COL4A3: variants seen among roughly 807,000 people sequenced by gnomAD.
COL4A3 encodes the protein collagen alpha-3(IV) chain.
Under a neutral mutation model 217.4 loss-of-function variants are expected in COL4A3, and 135 were observed. That is an observed-to-expected ratio of 0.62 (90% CI 0.54 to 0.72). The LOEUF is 0.72. Among genes scored for constraint, COL4A3 ranks in the 30% least tolerant of loss-of-function variants. The pLI is 0.00. For synonymous variants in COL4A3, 690 were observed against 736.3 expected (o/e 0.94, Z 1.02); for missense variants, 1,868 against 2,119.9 (o/e 0.88, Z 2.33).
chr2:227,224,867 TTC>T (rs879404116), intron 1 of COL4A3, among the ~76,000 whole-genome samples: 21 of 152,248 alleles, frequency 1.4e-4, no homozygotes, highest in Admixed American at 1.4e-3. Context: ...TGAATGAATT[TTC>T]TTTTTTGTTA....
intron 41 of COL4A3, chr2:227,296,638 C>G (rs557310055): frequency 2.7e-6 from 1 of 376,460 alleles, no homozygotes; most frequent in South Asian, 1.1e-4. Context: ...CATCTTGGTA[C>G]TTCAGGTCAT....
intron 28 of COL4A3, among the ~76,000 whole-genome samples, chr2:227,278,206 A>G (rs2106136614): frequency 6.6e-6 from 1 of 152,084 alleles, no homozygotes; most frequent in Non-Finnish European, 1.5e-5. Flanking sequence ...TATGGAAATT[A>G]TTTTCCTTTA....
chr2:227,167,259 A>G (rs1444348410), intron 1 of COL4A3, among the ~76,000 whole-genome samples: 2 of 152,236 alleles, frequency 1.3e-5, no homozygotes, highest in Non-Finnish European at 2.9e-5. Context: ...AAACAGGGAA[A>G]TAGCAGCGGT....
rs994071501 is a variant in COL4A3, at chr2:227,313,619, G to C, written c.*1749G>C. On this transcript the variant is annotated 3_prime_UTR_variant, in exon 52 of 52. Coordinates refer to ENST00000396578, the MANE Select transcript of COL4A3 (RefSeq NM_000091.5). The stretch of plus-strand genomic sequence containing the variant: ...AGTGAAAAACATGACCCAGAGGACA[G>C]CACAGACTATGGCCATGGCTCACAT... 2 of 152,624 alleles carry C rather than the reference G, an allele frequency of 1.3e-5. No homozygotes were observed. The highest frequency in any genetic ancestry group is 4.8e-5 in the African/African-American group (2 of 41,454). 9.5% of individuals were successfully genotyped at this position (152,624 alleles called of 1,614,324 possible).
At chr2:227,295,344 T>A in intron 41 of COL4A3, 28 bp downstream of exon 41, 1 of 1,607,836 alleles carries the variant, frequency 6.2e-7, no homozygotes, top group Non-Finnish European at 8.5e-7. Context: ...CCTGTCCTAA[T>A]GTACACATTT....
intron 15 of COL4A3, among the ~76,000 whole-genome samples, chr2:227,255,103 A>C (rs565424652): frequency 6.6e-6 from 1 of 152,326 alleles, no homozygotes; most frequent in African/African-American, 2.4e-5. Flanking sequence ...GTGTCCATTT[A>C]TAAAATCCCA....
intron 1 of COL4A3, among the ~76,000 whole-genome samples, chr2:227,208,621 G>A (rs566415955): frequency 1.3e-5 from 2 of 152,268 alleles, no homozygotes; most frequent in African/African-American, 2.4e-5. Context: ...AATGTTCGGG[G>A]AGACTGAGTT....
chr2:227,188,161 C>G (rs879376721), intron 1 of COL4A3, among the ~76,000 whole-genome samples: 6 of 151,892 alleles, frequency 4.0e-5, no homozygotes, highest in Admixed American at 3.9e-4. Context: ...TATGTTAAAC[C>G]CAAATCTAGC....
chr2:227,179,625 G>A (rs989503834), intron 1 of COL4A3, among the ~76,000 whole-genome samples: 2 of 152,132 alleles, frequency 1.3e-5, no homozygotes, highest in Non-Finnish European at 2.9e-5. Flanking sequence ...AGAATAAAAC[G>A]TTATTTTGGG....
intron 1 of COL4A3, among the ~76,000 whole-genome samples, chr2:227,181,197 T>C (rs1012508340): frequency 6.6e-6 from 1 of 152,216 alleles, no homozygotes; most frequent in Non-Finnish European, 1.5e-5. Flanking sequence ...GCCTTTCTTG[T>C]CTTTAAAATA....
chr2:227,311,711 T>A, intron 51 of COL4A3, 75 bp from the exon 52 acceptor site: 1 of 1,444,636 alleles, frequency 6.9e-7, no homozygotes, highest in Non-Finnish European at 9.6e-7. Flanking sequence ...AAAATATTCA[T>A]TAATAAAACA....
At chr2:227,289,341 T>C (rs1261232955) in intron 35 of COL4A3, 93 bp downstream of exon 35, 1 of 1,046,482 alleles carries the variant, frequency 9.6e-7, no homozygotes, top group Non-Finnish European at 1.5e-6. Context: ...TGGGTTTAAA[T>C]ATCAATTCTG....
At chr2:227,201,634 A>C (rs145573855) in intron 1 of COL4A3, among the ~76,000 whole-genome samples, 2,034 of 152,274 alleles carry the variant, frequency 0.013, 17 homozygotes, top group Admixed American at 0.021. Context: ...CATTCTAAAA[A>C]CTGAGAAATA....
At chr2:227,254,801 C>A in intron 15 of COL4A3, 86 bp downstream of exon 15, 1 of 934,600 alleles carries the variant, frequency 1.1e-6, no homozygotes, top group Non-Finnish European at 1.8e-6. Flanking sequence ...ATGCCCAACT[C>A]AAACTAGCTC....
At chr2:227,208,210 C>T (rs965215001) in intron 1 of COL4A3, among the ~76,000 whole-genome samples, 14 of 152,190 alleles carry the variant, frequency 9.2e-5, no homozygotes, top group Non-Finnish European at 1.5e-4. Flanking sequence ...AAATTGATAA[C>T]AGCCCTTTCC....
intron 1 of COL4A3, among the ~76,000 whole-genome samples, chr2:227,212,564 T>A (rs1231772119): frequency 6.6e-6 from 1 of 152,220 alleles, no homozygotes; most frequent in African/African-American, 2.4e-5. Context: ...ATGAGGTTTC[T>A]ACATATGGAG....
intron 47 of COL4A3, among the ~76,000 whole-genome samples, chr2:227,307,030 G>A (rs1438151046): frequency 2.0e-5 from 3 of 152,114 alleles, no homozygotes; most frequent in Non-Finnish European, 2.9e-5. Context: ...TCTAGAACAC[G>A]ACAAGTGTGG....
chr2:227,284,005 C>G, intron 33 of COL4A3, 149 bp downstream of exon 33: 1 of 968,418 alleles, frequency 1.0e-6, no homozygotes, highest in Non-Finnish European at 1.6e-6. Flanking sequence ...TTCCTTTTCT[C>G]CATTTGAATG....
At chr2:227,284,155 T>C in intron 33 of COL4A3, 56 bp from the exon 34 acceptor site, 1 of 1,612,154 alleles carries the variant, frequency 6.2e-7, no homozygotes, top group Non-Finnish European at 8.5e-7. Flanking sequence ...AACTTTTTAA[T>C]CCCTATGAAC....
Sources: gnomAD v4.1 joint callset for allele counts (sites outside exome capture counted in the v4.1 genomes callset) on GRCh38, gnomAD v4.1.1 for gene constraint, MANE v1.5 for transcripts, NCBI Gene and HGNC (gene_info 2026-07-23, HGNC 2026-07-21) for gene names.